Variants in SLC35G2 observed in about 807,000 individuals in gnomAD.
SLC35G2 encodes solute carrier family 35 member G2.
A neutral mutation model predicts 27.2 loss-of-function variants in SLC35G2; 20 were observed. The ratio of observed to expected loss-of-function variants is 0.74; its 90% CI spans 0.52 to 1.07. SLC35G2 has a LOEUF of 1.07. Ranked by LOEUF, SLC35G2 falls within the 50% of genes least tolerant of loss-of-function variation. The probability of loss-of-function intolerance (pLI) is 0.00; values close to 1 mark genes in which losing one functional copy is unlikely to be tolerated. For synonymous variants in SLC35G2, 148 were observed against 165.3 expected, an observed-to-expected ratio of 0.90 and a Z score of 0.80; for missense variants, 416 against 493.3, an observed-to-expected ratio of 0.84 and a Z score of 1.48.
intron 1 of SLC35G2, among the ~76,000 whole-genome samples, chr3:136,831,808 T>C (rs1936735034): frequency 6.6e-6 from 1 of 151,702 alleles, no homozygotes; most frequent in African/African-American, 2.4e-5. Context: ...TTAAGTTTTT[T>C]GAAAAAAGGA....
intron 1 of SLC35G2, 173 bp downstream of exon 1, chr3:136,819,801 T>G (rs1936399901): frequency 6.6e-6 from 1 of 152,212 alleles, no homozygotes; most frequent in South Asian, 2.1e-4. Flanking sequence ...ACATCGACGG[T>G]TTGTAGACAT....
chr3:136,830,719 C>T (rs1413552316), intron 1 of SLC35G2, among the ~76,000 whole-genome samples: 1 of 152,278 alleles, frequency 6.6e-6, no homozygotes, highest in East Asian at 1.9e-4. Flanking sequence ...CAGCCCACAT[C>T]ATTTCTTTTT....
At chr3:136,830,680 C>T (rs539043595) in intron 1 of SLC35G2, among the ~76,000 whole-genome samples, 4 of 152,288 alleles carry the variant, frequency 2.6e-5, no homozygotes, top group African/African-American at 9.6e-5. Context: ...TCCCAAAGTG[C>T]TGGGATTACA....
rs528368798 is a variant in SLC35G2, at chr3:136,830,187, C to T, written c.-19+10559C>T. Among the ~76,000 whole-genome samples the T allele has an allele frequency of 1.2e-3, 170 of 145,778 alleles. 1 individual carries two copies. The highest frequency in any genetic ancestry group is 4.1e-3 in the African/African-American group (160 of 39,324). ...GCAGTGGCGCGATCTCAGCTCACTGCAATCTCCGCCTCCCAGGTTCAAGCG... is the reference window on the plus strand; with the variant it reads ...GCAGTGGCGCGATCTCAGCTCACTGTAATCTCCGCCTCCCAGGTTCAAGCG... On this transcript the variant is annotated intron_variant, in intron 1 of 1. Coordinates refer to ENST00000446465, the MANE Select transcript of SLC35G2 (RefSeq NM_025246.3).
intron 1 of SLC35G2, among the ~76,000 whole-genome samples, chr3:136,833,236 T>G (rs564252062): frequency 6.6e-6 from 1 of 152,202 alleles, no homozygotes; most frequent in South Asian, 2.1e-4. Context: ...TTCACGTTAT[T>G]GAAATGTTGT....
chr3:136,844,867 C>G (rs1010691777), intron 1 of SLC35G2, among the ~76,000 whole-genome samples: 2 of 139,372 alleles, frequency 1.4e-5, no homozygotes, highest in Admixed American at 7.1e-5. Context: ...AATGGAAAAA[C>G]TTCAAAATTG....
chr3:136,851,954 A>T (rs1262349883), intron 1 of SLC35G2, among the ~76,000 whole-genome samples: 1 of 152,210 alleles, frequency 6.6e-6, no homozygotes, highest in Non-Finnish European at 1.5e-5. Context: ...GAGAAAGGGA[A>T]AAACAGGAAT....
chr3:136,849,810 A>C (rs1184985007), intron 1 of SLC35G2, among the ~76,000 whole-genome samples: 1 of 151,636 alleles, frequency 6.6e-6, no homozygotes, highest in Non-Finnish European at 1.5e-5. Flanking sequence ...AGTTTTTAAA[A>C]ATACAGGATT....
At chr3:136,846,333 C>T (rs750884989) in intron 1 of SLC35G2, among the ~76,000 whole-genome samples, 1 of 152,212 alleles carries the variant, frequency 6.6e-6, no homozygotes, top group Non-Finnish European at 1.5e-5. Flanking sequence ...ATTTTAAGCT[C>T]TCCACACTGG....
chr3:136,849,303 C>T (rs1191137666), intron 1 of SLC35G2, among the ~76,000 whole-genome samples: 6 of 151,558 alleles, frequency 4.0e-5, no homozygotes, highest in African/African-American at 1.2e-4. Context: ...GCTAAATATA[C>T]AAGTTATGCC....
intron 1 of SLC35G2, chr3:136,819,940 T>G (rs1458946920): frequency 6.6e-6 from 1 of 152,236 alleles, no homozygotes; most frequent in Non-Finnish European, 1.5e-5. Flanking sequence ...AGGCGAATCT[T>G]TCCTCACAGT....
At chr3:136,848,322 G>C (rs1937486133) in intron 1 of SLC35G2, among the ~76,000 whole-genome samples, 1 of 152,160 alleles carries the variant, frequency 6.6e-6, no homozygotes, top group Non-Finnish European at 1.5e-5. Context: ...GGAAAATGTA[G>C]TTCAGCATAT....
chr3:136,844,186 G>C (rs544698798), intron 1 of SLC35G2, among the ~76,000 whole-genome samples: 1 of 151,542 alleles, frequency 6.6e-6, no homozygotes, highest in African/African-American at 2.4e-5. Flanking sequence ...GTGAGACTCC[G>C]TCTCAAAAAG....
intron 1 of SLC35G2, among the ~76,000 whole-genome samples, chr3:136,825,241 CTTT>C (rs71626025): frequency 7.4e-6 from 1 of 135,090 alleles, no homozygotes. Flanking sequence ...TCGTATATAA[CTTT>C]TTTTTTTTTT....
intron 1 of SLC35G2, chr3:136,820,405 C>T (rs951254573): frequency 7.2e-5 from 11 of 152,276 alleles, no homozygotes; most frequent in Non-Finnish European, 1.5e-4. Flanking sequence ...AGCCCATCTC[C>T]ATGGCTGGTG....
At chr3:136,823,317 G>A (rs558948771) in intron 1 of SLC35G2, among the ~76,000 whole-genome samples, 3 of 152,218 alleles carry the variant, frequency 2.0e-5, no homozygotes, top group African/African-American at 7.2e-5. Context: ...TTAATCCCTT[G>A]TCAGATGGGT....
intron 1 of SLC35G2, chr3:136,838,345 G>T (rs1166512991): frequency 6.6e-6 from 1 of 151,544 alleles, no homozygotes; most frequent in East Asian, 1.9e-4. Flanking sequence ...TTAAAGGAGT[G>T]TAGTGATTTT....
intron 1 of SLC35G2, among the ~76,000 whole-genome samples, chr3:136,840,768 C>T (rs573307692): frequency 7.1e-4 from 108 of 151,846 alleles, no homozygotes; most frequent in Non-Finnish European, 1.3e-3. Context: ...GGACTATAGG[C>T]GCATTCCACC....
intron 1 of SLC35G2, among the ~76,000 whole-genome samples, chr3:136,837,027 G>C (rs770251005): frequency 1.3e-5 from 2 of 152,068 alleles, no homozygotes; most frequent in Non-Finnish European, 2.9e-5. Flanking sequence ...AGATTTATGG[G>C]GTGGTAACTT....
Sources: gnomAD v4.1 joint callset for allele counts (sites outside exome capture counted in the v4.1 genomes callset) on GRCh38, gnomAD v4.1.1 for gene constraint, MANE v1.5 for transcripts, NCBI Gene and HGNC (gene_info 2026-07-23, HGNC 2026-07-21) for gene names.